Variants in DNAJC12 observed in about 807,000 individuals in gnomAD.
DNAJC12 encodes the protein dnaJ homolog subfamily C member 12.
Under a neutral mutation model 28.5 loss-of-function variants are expected in DNAJC12, and 25 were observed. The ratio of observed to expected loss-of-function variants is 0.88; its 90% CI spans 0.64 to 1.22. The LOEUF is 1.22. Ranked by LOEUF, DNAJC12 falls within the 50% of genes most tolerant of loss-of-function variation. The pLI is 0.00. For synonymous variants in DNAJC12, 77 were observed against 80.6 expected (o/e 0.95, Z 0.24); for missense variants, 222 against 231.7 (o/e 0.96, Z 0.27).
intron 4 of DNAJC12, among the ~76,000 whole-genome samples, chr10:67,799,399 T>C (rs922133475): frequency 1.3e-5 from 2 of 152,174 alleles, no homozygotes; most frequent in African/African-American, 4.8e-5. Flanking sequence ...ATTGTTCCTA[T>C]AATTAAAACT....
At chr10:67,823,240 A>C in intron 2 of DNAJC12, 74 bp downstream of exon 2, 1 of 1,215,164 alleles carries the variant, frequency 8.2e-7, no homozygotes, top group East Asian at 2.3e-5. Flanking sequence ...TGAGAAAATT[A>C]AGTTACTATT....
At chr10:67,821,419 G>A (rs1841980024) in intron 2 of DNAJC12, among the ~76,000 whole-genome samples, 1 of 152,138 alleles carries the variant, frequency 6.6e-6, no homozygotes, top group South Asian at 2.1e-4. Flanking sequence ...GGGAGGCTGA[G>A]GCAGGAGAAT....
chr10:67,810,413 G>A lies in DNAJC12; in HGVS notation c.297+1111C>T, dbSNP rs1038010673. Among the ~76,000 whole-genome samples the A allele has an allele frequency of 4.6e-5, 7 of 152,120 alleles. No homozygotes were observed. In the East Asian group the frequency reaches 5.8e-4, roughly 13 times the overall value. On this transcript the variant is annotated intron_variant, in intron 3 of 4. Coordinates refer to ENST00000225171, the MANE Select transcript of DNAJC12 (RefSeq NM_021800.3). ...TGTGGCACCCCTGAGGCTGTGGCTC[G>A]TTTGAGGAATTCTCCCAAAGGAAAT...
chr10:67,821,554 G>T (rs987090819), intron 2 of DNAJC12, among the ~76,000 whole-genome samples: 2 of 152,108 alleles, frequency 1.3e-5, no homozygotes, highest in Admixed American at 1.3e-4. Flanking sequence ...TCTACCCTGA[G>T]GATAAAATCA....
At chr10:67,809,809 G>A (rs1462233919) in intron 3 of DNAJC12, among the ~76,000 whole-genome samples, 2 of 152,148 alleles carry the variant, frequency 1.3e-5, no homozygotes, top group East Asian at 1.9e-4. Context: ...AGCATACAGA[G>A]TGGTATAATA....
chr10:67,819,700 AAGGAAGGAAGGAAGGAAGCAAGGAAGG>A lies in DNAJC12; in HGVS notation c.157+3587_157+3613del, dbSNP rs1841957164. On this transcript the variant is annotated intron_variant, in intron 2 of 4. Transcript: ENST00000225171. The stretch of plus-strand genomic sequence containing the variant: ...AAAGAAAGAAAGAAAGAAAGAAAGG[AAGGAAGGAAGGAAGGAAGCAAGGAAGG>A]AAGGAAGGAAGGAAGGAAGGAAGGA... 3.8e-4 allele frequency among the ~76,000 whole-genome samples: 8 copies of A among 21,060 alleles called. 1 individual carries two copies. The highest frequency in any genetic ancestry group is 1.2e-3 in the East Asian group (1 of 816). The allele number at this position is 21,060 out of a possible 152,430, so 13.8% of individuals were successfully genotyped here.
chr10:67,829,011 G>A (rs1032815688), intron 1 of DNAJC12, among the ~76,000 whole-genome samples: 2 of 152,032 alleles, frequency 1.3e-5, no homozygotes, highest in African/African-American at 4.8e-5. Flanking sequence ...GAGGGAGGTG[G>A]GGGGAAAGTC....
intron 2 of DNAJC12, among the ~76,000 whole-genome samples, chr10:67,818,765 C>T (rs1230719497): frequency 6.6e-6 from 1 of 151,886 alleles, no homozygotes; most frequent in African/African-American, 2.4e-5. Context: ...ATGCGATTCT[C>T]CTGTCTCAGC....
At chr10:67,820,159 A>G (rs1841968798) in intron 2 of DNAJC12, among the ~76,000 whole-genome samples, 2 of 152,204 alleles carry the variant, frequency 1.3e-5, no homozygotes, top group African/African-American at 2.4e-5. Context: ...GCTGGAGTGT[A>G]GAAAGAGCAG....
At chr10:67,817,931 A>G (rs1265940498) in intron 2 of DNAJC12, among the ~76,000 whole-genome samples, 3 of 152,080 alleles carry the variant, frequency 2.0e-5, no homozygotes, top group Non-Finnish European at 4.4e-5. Context: ...GGCCAGGCAC[A>G]GCAGCTTATC....
chr10:67,797,933 G>A (rs564540522), intron 4 of DNAJC12, among the ~76,000 whole-genome samples: 3 of 151,652 alleles, frequency 2.0e-5, no homozygotes, highest in African/African-American at 4.9e-5. Flanking sequence ...CCAGCTACTC[G>A]GGAGGCTGAG....
chr10:67,811,952 G>A (rs1841865365), intron 2 of DNAJC12, among the ~76,000 whole-genome samples: 1 of 152,126 alleles, frequency 6.6e-6, no homozygotes. Flanking sequence ...TTATTAGCAG[G>A]GGAAAGAAAC....
At position 67,819,694 on chromosome 10, in the gene DNAJC12, GAAA is replaced by G. The variant is rs1564863240; in HGVS notation, c.157+3617_157+3619del. The stretch of plus-strand genomic sequence containing the variant: ...AGAAAGAAAGAAAGAAAGAAAGAAA[GAAA>G]GGAAGGAAGGAAGGAAGGAAGCAAG... On this transcript the variant is annotated intron_variant, in intron 2 of 4. Transcript: ENST00000225171. 1.0e-3 allele frequency among the ~76,000 whole-genome samples: 19 copies of G among 18,688 alleles called. 1 individual carries two copies. Among genetic ancestry groups the G allele is most frequent in the Admixed American group, 1.8e-3 (3 of 1,676 alleles). The allele number at this position is 18,688 out of a possible 152,430, so 12.3% of individuals were successfully genotyped here. A position where few individuals can be genotyped will look rare whatever the true frequency, so the allele number is the denominator to read the frequency against.
At chr10:67,828,771 G>A (rs531308887) in intron 1 of DNAJC12, among the ~76,000 whole-genome samples, 3 of 151,838 alleles carry the variant, frequency 2.0e-5, no homozygotes, top group African/African-American at 7.3e-5. Flanking sequence ...TGTCTAAGGA[G>A]ATAATCAGAG....
intron 1 of DNAJC12, chr10:67,833,918 T>G: frequency 2.1e-6 from 1 of 476,838 alleles, no homozygotes; most frequent in Non-Finnish European, 4.3e-6. Context: ...ATTACTGAGG[T>G]GAGTTTGAAC....
At chr10:67,818,660 AT>A (rs759141693) in intron 2 of DNAJC12, among the ~76,000 whole-genome samples, 364 of 146,054 alleles carry the variant, frequency 2.5e-3, no homozygotes, top group Non-Finnish European at 3.2e-3. Flanking sequence ...AATTTTTATA[AT>A]TTTTTTTTTT....
At chr10:67,826,197 C>A (rs575684203) in intron 1 of DNAJC12, among the ~76,000 whole-genome samples, 3 of 150,428 alleles carry the variant, frequency 2.0e-5, no homozygotes, top group African/African-American at 7.3e-5. Context: ...TGCAGTGGTG[C>A]CATCTCGGTT....
chr10:67,826,596 T>C (rs1362322742), intron 1 of DNAJC12, among the ~76,000 whole-genome samples: 1 of 136,892 alleles, frequency 7.3e-6, no homozygotes, highest in Non-Finnish European at 1.5e-5. Context: ...TAATGATATA[T>C]ATAAGATATC....
chr10:67,803,783 C>A (rs2131790092), intron 4 of DNAJC12, among the ~76,000 whole-genome samples: 1 of 152,330 alleles, frequency 6.6e-6, no homozygotes, highest in Non-Finnish European at 1.5e-5. Context: ...CCTGTGTTTG[C>A]TTAAAACACT....
Sources: allele counts gnomAD v4.1 joint callset (sites outside exome capture counted in the v4.1 genomes callset), GRCh38; gene constraint gnomAD v4.1.1; transcripts MANE v1.5; gene names NCBI Gene and HGNC (gene_info 2026-07-23, HGNC 2026-07-21).